RAB30: variants seen among roughly 807,000 people sequenced by gnomAD.
The protein encoded by RAB30 is ras-related protein Rab-30.
In RAB30, 9 loss-of-function variants were observed where a neutral mutation model predicts 25.1. That is an observed-to-expected ratio of 0.36 (90% CI 0.22 to 0.63). The LOEUF is 0.63. Ranked by LOEUF, RAB30 falls within the 20% of genes least tolerant of loss-of-function variation. RAB30 has a pLI of 0.69. For synonymous variants in RAB30, 77 were observed against 86.4 expected, an observed-to-expected ratio of 0.89 and a Z score of 0.60; for missense variants, 140 against 243.5, an observed-to-expected ratio of 0.58 and a Z score of 2.83.
At position 83,021,973 on chromosome 11, in the gene RAB30, A is replaced by G. The variant is rs544073174; in HGVS notation, c.-8-24649T>C. Among the ~76,000 whole-genome samples, 8 of 152,354 alleles carry G rather than the reference A, an allele frequency of 5.3e-5. No homozygotes were observed. The East Asian group carries it at 1.2e-3, about 22-fold the overall frequency. ...TATATTTTATGTATTTCATTAGATC[A>G]TCCACATTCCTAGAACATAGCTCAA... On this transcript the variant is annotated intron_variant, in intron 1 of 4. Coordinates refer to ENST00000527633, the MANE Select transcript of RAB30 (RefSeq NM_001286060.2).
rs569446936 is a variant in RAB30 at position 83,022,267 on chromosome 11, G to A, written c.-8-24943C>T. 3.9e-5 allele frequency among the ~76,000 whole-genome samples: 6 copies of A among 152,226 alleles called. No individual in the cohort carries two copies. The South Asian group carries it at 1.2e-3, about 32-fold the overall frequency. ...CTGGACCTGCCAGGCTCAGGTGATT[G>A]TCCCACCTCAGCCTCCCTTGTAGCT... On this transcript the variant is annotated intron_variant, in intron 1 of 4. Coordinates refer to ENST00000527633, the MANE Select transcript of RAB30 (RefSeq NM_001286060.2).
chr11:83,036,617 T>C (rs1857993164), intron 1 of RAB30, among the ~76,000 whole-genome samples: 2 of 152,190 alleles, frequency 1.3e-5, no homozygotes. Context: ...TAGGTCCAGT[T>C]ACCAAAGAAC....
chr11:82,996,319 G>A (rs944452414), intron 2 of RAB30, among the ~76,000 whole-genome samples: 1 of 152,152 alleles, frequency 6.6e-6, no homozygotes, highest in Admixed American at 6.5e-5. Context: ...AGGAAAGGGA[G>A]GTAACTTACC....
Position 82,982,159 on chromosome 11 carries a change from C to T in RAB30, c.*6G>A, listed in dbSNP as rs1384510461. On this transcript the variant is annotated 3_prime_UTR_variant, in exon 5 of 5. Coordinates refer to ENST00000527633, the MANE Select transcript of RAB30 (RefSeq NM_001286060.2). ...CTGATTCCTTTTCTTCTCCGTGCCT[C>T]AGCCTTTAGTTGAAATTACAACAAG... is the stretch of plus-strand genomic sequence containing the variant. 3 of 1,613,890 alleles carry T rather than the reference C, an allele frequency of 1.9e-6. No individual in the cohort carries two copies. The Admixed American group carries it at 5.0e-5, about 27-fold the overall frequency.
In RAB30 at chr11:83,019,339, T is replaced by A. The variant is rs553328551; in HGVS notation, c.-8-22015A>T. Among the ~76,000 whole-genome samples the A allele has an allele frequency of 2.0e-4, 31 of 152,284 alleles. No homozygotes were observed. In the South Asian group the frequency reaches 3.1e-3, roughly 15 times the overall value. On this transcript the variant is annotated intron_variant, in intron 1 of 4. Transcript: ENST00000527633. ...CCACACCAGGCCAAAAGGTTTTTTTTAAAAAATAACAACTATGTATTTATG... is the reference window on the plus strand; with the variant it reads ...CCACACCAGGCCAAAAGGTTTTTTTAAAAAAATAACAACTATGTATTTATG...
chr11:83,069,302 C>T (rs1590886269), intron 1 of RAB30, among the ~76,000 whole-genome samples: 1 of 152,160 alleles, frequency 6.6e-6, no homozygotes, highest in African/African-American at 2.4e-5. Context: ...TCTAAGAGGA[C>T]AGCTTCTGAA....
chr11:83,016,786 T>C (rs915426937), intron 1 of RAB30, among the ~76,000 whole-genome samples: 5 of 152,202 alleles, frequency 3.3e-5, no homozygotes, highest in African/African-American at 1.2e-4. Flanking sequence ...TCAGAGAACT[T>C]GGGAGCACCA....
intron 1 of RAB30, among the ~76,000 whole-genome samples, chr11:83,008,260 G>T (rs1470660097): frequency 6.6e-6 from 1 of 152,190 alleles, no homozygotes; most frequent in East Asian, 1.9e-4. Context: ...CAGGAACAGA[G>T]ATGTCTTCTC....
chr11:83,025,756 C>A (rs1590861065), intron 1 of RAB30, among the ~76,000 whole-genome samples: 2 of 152,284 alleles, frequency 1.3e-5, no homozygotes, highest in South Asian at 4.1e-4. Flanking sequence ...CTTACCTTTG[C>A]CTGGGCTTAA....
chr11:83,009,192 A>G (rs938019501), intron 1 of RAB30, among the ~76,000 whole-genome samples: 2 of 151,862 alleles, frequency 1.3e-5, no homozygotes, highest in African/African-American at 4.8e-5. Flanking sequence ...CAGCCTCCCA[A>G]GTAGCTGGGA....
chr11:83,061,066 T>G (rs1054057678), intron 1 of RAB30, among the ~76,000 whole-genome samples: 6 of 152,224 alleles, frequency 3.9e-5, no homozygotes, highest in Non-Finnish European at 8.8e-5. Flanking sequence ...AGAGTTCCAC[T>G]GTCAGCTTCC....
At chr11:83,054,299 T>C (rs1858413604) in intron 1 of RAB30, among the ~76,000 whole-genome samples, 1 of 152,226 alleles carries the variant, frequency 6.6e-6, no homozygotes, top group South Asian at 2.1e-4. Context: ...TCATCTCTTT[T>C]ACGTCTCTTT....
rs147301774 is a variant in RAB30 at position 82,998,796 on chromosome 11, A to G, written c.-8-1472T>C. Among the ~76,000 whole-genome samples, 1,168 of 152,140 alleles carry G rather than the reference A, an allele frequency of 7.7e-3. 15 individuals carry two copies. The highest frequency in any genetic ancestry group is 0.027 in the African/African-American group (1,115 of 41,510). On this transcript the variant is annotated intron_variant, in intron 1 of 4. Transcript: ENST00000527633. The stretch of plus-strand genomic sequence containing the variant: ...TTAAGGTGTAGGCAGAACAGACCCA[A>G]TAGACTCTGGAGAGAGAGGAAATGG...
chr11:83,043,467 T>G (rs1043099430), intron 1 of RAB30, among the ~76,000 whole-genome samples: 5 of 152,202 alleles, frequency 3.3e-5, no homozygotes, highest in Non-Finnish European at 5.9e-5. Context: ...GATTTGTTTA[T>G]CAGCTAGCTG....
intron 1 of RAB30, among the ~76,000 whole-genome samples, chr11:83,051,513 C>T (rs758101763): frequency 9.2e-5 from 14 of 152,094 alleles, no homozygotes; most frequent in Non-Finnish European, 1.6e-4. Flanking sequence ...GAAGAGCTAT[C>T]ATTTGAAGCG....
chr11:83,012,576 T>C (rs941785725), intron 1 of RAB30, among the ~76,000 whole-genome samples: 2 of 152,170 alleles, frequency 1.3e-5, no homozygotes, highest in African/African-American at 4.8e-5. Context: ...AAGAACAAAT[T>C]CAATACCTAT....
intron 1 of RAB30, among the ~76,000 whole-genome samples, chr11:83,058,764 A>G (rs1344061029): frequency 6.6e-6 from 1 of 152,216 alleles, no homozygotes; most frequent in East Asian, 1.9e-4. Flanking sequence ...ACATTTTGAG[A>G]CTAGACATCC....
rs887703538 is a variant in RAB30, at chr11:82,982,059, G to A, written c.*106C>T. On this transcript the variant is annotated 3_prime_UTR_variant, in exon 5 of 5. Transcript: ENST00000527633. ...TTTGTAAGCTCAGGAGCCCACAGGA[G>A]TCAGAAGGTCAGAGAGCGGGAGCCA... 24 of 1,480,452 alleles carry A rather than the reference G, an allele frequency of 1.6e-5. No individual in the cohort carries two copies. In the South Asian group the frequency reaches 2.9e-4, roughly 18 times the overall value. 91.7% of individuals were successfully genotyped at this position (1,480,452 alleles called of 1,614,324 possible).
At chr11:83,049,235 C>T (rs946335072) in intron 1 of RAB30, among the ~76,000 whole-genome samples, 1 of 151,720 alleles carries the variant, frequency 6.6e-6, no homozygotes, top group Non-Finnish European at 1.5e-5. Flanking sequence ...CATGGTGAAA[C>T]CCCCATCTCT....
Sources: gnomAD v4.1 joint callset for allele counts (sites outside exome capture counted in the v4.1 genomes callset) on GRCh38, gnomAD v4.1.1 for gene constraint, MANE v1.5 for transcripts, NCBI Gene and HGNC (gene_info 2026-07-23, HGNC 2026-07-21) for gene names.